ZNF804B: variants seen among roughly 807,000 people sequenced by gnomAD.
ZNF804B encodes zinc finger protein 804B.
ZNF804B carries 80 observed loss-of-function variants against 101.4 expected under a neutral mutation model. The observed-to-expected ratio is 0.79, with a 90% CI of 0.66 to 0.95. ZNF804B has a LOEUF of 0.95. ZNF804B is among the 40% of genes least tolerant of loss of function. ZNF804B has a pLI of 0.00. For synonymous variants in ZNF804B, 622 were observed against 558.8 expected (o/e 1.11, Z -1.59); for missense variants, 1,673 against 1,561.9 (o/e 1.07, Z -1.20).
rs183014820 is a variant in ZNF804B at position 89,274,894 on chromosome 7, G to T, written c.250-52450G>T. Among the ~76,000 whole-genome samples, 712 of 151,896 alleles carry T rather than the reference G, an allele frequency of 4.7e-3. 31 individuals carry two copies. Among genetic ancestry groups the T allele is most frequent in the African/African-American group, 0.016 (676 of 41,262 alleles). On this transcript the variant is annotated intron_variant, in intron 2 of 3. Coordinates refer to ENST00000333190, the MANE Select transcript of ZNF804B (RefSeq NM_181646.5). The stretch of plus-strand genomic sequence containing the variant: ...CTCCCATCCTCCAAATATTGGAAGT[G>T]TTCTTGGGCTCAAGCCATGGTGTCC...
intron 1 of ZNF804B, among the ~76,000 whole-genome samples, chr7:88,784,944 T>G (rs561195085): frequency 6.6e-6 from 1 of 152,264 alleles, no homozygotes; most frequent in African/African-American, 2.4e-5. Context: ...CCGTAGGCAT[T>G]TCTCAAGATT....
chr7:89,047,096 G>C (rs1029282103), intron 1 of ZNF804B, among the ~76,000 whole-genome samples: 4 of 152,014 alleles, frequency 2.6e-5, no homozygotes, highest in African/African-American at 9.7e-5. Context: ...ATGTTTATCT[G>C]CAAGTTATGG....
chr7:88,925,075 C>A (rs1792776154), intron 1 of ZNF804B, among the ~76,000 whole-genome samples: 1 of 152,114 alleles, frequency 6.6e-6, no homozygotes, highest in Non-Finnish European at 1.5e-5. Context: ...GTAATATAGG[C>A]ACTACTCAGT....
chr7:89,221,870 G>A (rs747858743), intron 2 of ZNF804B, among the ~76,000 whole-genome samples: 4 of 151,872 alleles, frequency 2.6e-5, no homozygotes, highest in African/African-American at 4.8e-5. Flanking sequence ...TTTCTACTGT[G>A]TGCTACTGTG....
chr7:89,066,952 T>G, intron 1 of ZNF804B, among the ~76,000 whole-genome samples: 1 of 151,840 alleles, frequency 6.6e-6, no homozygotes, highest in Admixed American at 6.6e-5. Flanking sequence ...TATATATAAG[T>G]ATATATATAT....
chr7:88,961,725 T>C (rs1463188615), intron 1 of ZNF804B, among the ~76,000 whole-genome samples: 1 of 151,350 alleles, frequency 6.6e-6, no homozygotes, highest in African/African-American at 2.4e-5. Flanking sequence ...ACTATGATCC[T>C]GGCATGACAC....
intron 2 of ZNF804B, among the ~76,000 whole-genome samples, chr7:89,236,496 T>G (rs1584075060): frequency 6.6e-6 from 1 of 152,138 alleles, no homozygotes; most frequent in Middle Eastern, 3.4e-3. Flanking sequence ...AGAAAAGAAA[T>G]AATTCTCAAG....
At chr7:89,191,477 T>C (rs569714175) in intron 1 of ZNF804B, among the ~76,000 whole-genome samples, 52 of 152,188 alleles carry the variant, frequency 3.4e-4, no homozygotes, top group African/African-American at 1.1e-3. Context: ...TAAACCCTGA[T>C]AGAGTGTAAG....
intron 1 of ZNF804B, among the ~76,000 whole-genome samples, chr7:88,932,217 C>T (rs1430957123): frequency 6.6e-6 from 1 of 151,632 alleles, no homozygotes. Context: ...CATTCAGATC[C>T]CTCTCAGCAT....
At chr7:89,086,180 G>A (rs983666150) in intron 1 of ZNF804B, among the ~76,000 whole-genome samples, 4 of 151,866 alleles carry the variant, frequency 2.6e-5, no homozygotes, top group Admixed American at 2.0e-4. Context: ...GGCTTTAACT[G>A]CAGTTTTCTA....
intron 1 of ZNF804B, among the ~76,000 whole-genome samples, chr7:88,933,140 T>C (rs1792914273): frequency 6.6e-6 from 1 of 151,736 alleles, no homozygotes. Flanking sequence ...GATGGCTTAA[T>C]ATATACATGA....
chr7:88,994,934 G>A (rs539344021), intron 1 of ZNF804B, among the ~76,000 whole-genome samples: 1 of 152,144 alleles, frequency 6.6e-6, no homozygotes, highest in South Asian at 2.1e-4. Flanking sequence ...CCAGCTTCCG[G>A]AATTGGAGTT....
chr7:89,035,921 A>AATATATTAATATATT (rs1281923012), intron 1 of ZNF804B, among the ~76,000 whole-genome samples: 1 of 144,748 alleles, frequency 6.9e-6, no homozygotes, highest in Non-Finnish European at 1.5e-5. Flanking sequence ...TATTATATAT[A>AATATATTAATATATT]ATATATTAAT....
At chr7:89,263,221 C>T (rs578059800) in intron 2 of ZNF804B, among the ~76,000 whole-genome samples, 7 of 152,300 alleles carry the variant, frequency 4.6e-5, no homozygotes, top group African/African-American at 1.7e-4. Context: ...CCAAGGTTAA[C>T]TTACCTGACT....
chr7:88,818,921 CCTTT>C (rs1409375924), intron 1 of ZNF804B, among the ~76,000 whole-genome samples: 1 of 152,066 alleles, frequency 6.6e-6, no homozygotes, highest in Non-Finnish European at 1.5e-5. Flanking sequence ...ACTACTATGT[CCTTT>C]CTTTAGAAGT....
chr7:89,091,874 T>G (rs548925227), intron 1 of ZNF804B, among the ~76,000 whole-genome samples: 1 of 152,180 alleles, frequency 6.6e-6, no homozygotes, highest in Non-Finnish European at 1.5e-5. Flanking sequence ...TTTACCTCCT[T>G]GAGAAGGCAG....
In ZNF804B at chr7:89,337,103, A is replaced by C. The variant is rs1287188164; in HGVS notation, c.*71A>C. 5.7e-6 allele frequency: 8 copies of C among 1,413,402 alleles called. No homozygotes were observed. In the Admixed American group the frequency reaches 7.2e-5, roughly 13 times the overall value. 87.6% of individuals were successfully genotyped at this position (1,413,402 alleles called of 1,614,324 possible). A position where few individuals can be genotyped will look rare whatever the true frequency, so the allele number is the denominator to read the frequency against. ...ACCTATAAAATCATACATTTAAAGA[A>C]GTCTGTCAATTATAAGATTTAAAAT... On this transcript the variant is annotated 3_prime_UTR_variant, in exon 4 of 4. Coordinates refer to ENST00000333190, the MANE Select transcript of ZNF804B (RefSeq NM_181646.5).
chr7:88,898,535 C>G (rs1301705191), intron 1 of ZNF804B, among the ~76,000 whole-genome samples: 1 of 151,988 alleles, frequency 6.6e-6, no homozygotes, highest in Admixed American at 6.6e-5. Context: ...AAATTCTTCA[C>G]TTGGAATCCA....
intron 2 of ZNF804B, among the ~76,000 whole-genome samples, chr7:89,320,446 A>T (rs1200940712): frequency 6.6e-6 from 1 of 152,158 alleles, no homozygotes; most frequent in Non-Finnish European, 1.5e-5. Context: ...ATGAACTTGA[A>T]TCCATGCTTA....
Sources: allele counts gnomAD v4.1 joint callset (sites outside exome capture counted in the v4.1 genomes callset), GRCh38; gene constraint gnomAD v4.1.1; transcripts MANE v1.5; gene names NCBI Gene and HGNC (gene_info 2026-07-23, HGNC 2026-07-21).